The following PM20D2 variants were observed in gnomAD, a reference collection of about 807,000 sequenced individuals.
PM20D2 encodes peptidase M20 domain containing 2.
In PM20D2, 33 loss-of-function variants were observed where a neutral mutation model predicts 42.9. The ratio of observed to expected loss-of-function variants is 0.77; its 90% confidence interval spans 0.58 to 1.03. PM20D2 has a LOEUF of 1.03. PM20D2 is among the 50% of genes least tolerant of loss of function. The probability of loss-of-function intolerance (pLI) is 0.00; values close to 1 mark genes in which losing one functional copy is unlikely to be tolerated. For synonymous variants in PM20D2, 250 were observed against 228.2 expected (o/e 1.10, Z -0.86); for missense variants, 548 against 557.0 (o/e 0.98, Z 0.16).
rs1198398142 is a variant in PM20D2 at position 89,162,173 on chromosome 6, T to A, written c.1221T>A (p.Asp407Glu). The change falls in exon 7 of 7, where the codon GAT (aspartate) becomes GAA (glutamate). Residue 407 changes from aspartate (D) to glutamate (E), a missense_variant. Coordinates refer to ENST00000275072, the MANE Select transcript of PM20D2 (RefSeq NM_001010853.3). ...TAKALAMTALDVIFKPELLEG... is the reference protein window; with the variant it reads ...TAKALAMTALEVIFKPELLEG... ...AAGCTCTGGCAATGACGGCACTGGA[T>A]GTTATTTTTAAACCAGAGTTACTGG... The A allele has an allele frequency of 1.9e-6, 3 of 1,614,120 alleles. No individual in the cohort carries two copies. The highest frequency in any genetic ancestry group is 2.2e-5 in the East Asian group (1 of 44,888).
At chr6:89,096,346 T>C in the PM20D2 span, 1 of 152,218 alleles carries the variant, frequency 6.6e-6, no homozygotes, top group Non-Finnish European at 1.5e-5. Context: ...TCTGTAGTGG[T>C]ACTAGGTTGG....
At chr6:89,097,569 G>T in the PM20D2 span, 1 of 151,844 alleles carries the variant, frequency 6.6e-6, no homozygotes, top group East Asian at 1.9e-4. Flanking sequence ...GCCCAGGCTG[G>T]TCTCAATCTC....
intron 1 of PM20D2, among the ~76,000 whole-genome samples, chr6:89,147,979 C>CTTT (rs397888770): frequency 8.4e-5 from 8 of 95,178 alleles, no homozygotes; most frequent in Non-Finnish European, 1.2e-4. Context: ...AATGTACACT[C>CTTT]TTTTTTTTTT....
chr6:89,138,976 G>A, the PM20D2 span, among the ~76,000 whole-genome samples: 3 of 152,198 alleles, frequency 2.0e-5, no homozygotes, highest in Non-Finnish European at 4.4e-5. Flanking sequence ...GGTAGTTTTA[G>A]TGAAGTCAGG....
At chr6:89,141,827 A>C (rs890145686), upstream of PM20D2, among the ~76,000 whole-genome samples, 1 of 151,806 alleles carries the variant, frequency 6.6e-6, no homozygotes, top group Admixed American at 6.6e-5. Context: ...ACTTTGAGAC[A>C]AAAGTCTCAC....
chr6:89,156,494 C>G (rs967239835), intron 4 of PM20D2, among the ~76,000 whole-genome samples: 1 of 152,158 alleles, frequency 6.6e-6, no homozygotes, highest in African/African-American at 2.4e-5. Context: ...TTTATATTGC[C>G]TTATTTTTTT....
the PM20D2 span, among the ~76,000 whole-genome samples, chr6:89,099,398 C>CCA: frequency 0.041 from 638 of 15,706 alleles, 10 homozygotes; most frequent in African/African-American, 0.091. Context: ...CTCTCTCTCT[C>CCA]TCTCCATATA....
At chr6:89,161,531 A>G (rs1771234535) in intron 5 of PM20D2, among the ~76,000 whole-genome samples, 1 of 152,170 alleles carries the variant, frequency 6.6e-6, no homozygotes, top group African/African-American at 2.4e-5. Flanking sequence ...AGTGCTGGCC[A>G]AGAGGGCCAG....
At chr6:89,134,375 G>C in the PM20D2 span, among the ~76,000 whole-genome samples, 1 of 150,996 alleles carries the variant, frequency 6.6e-6, no homozygotes, top group Non-Finnish European at 1.5e-5. Flanking sequence ...CAAACCCCCA[G>C]GCCTTCCAAG....
chr6:89,161,928 CTCT>C (rs758468814), intron 6 of PM20D2, 38 bp downstream of exon 6: 13 of 1,539,230 alleles, frequency 8.4e-6, no homozygotes, highest in Admixed American at 5.0e-5. Context: ...GGCACACACA[CTCT>C]TCTTCTGGTA....
chr6:89,108,807 TTAATA>T, the PM20D2 span, among the ~76,000 whole-genome samples: 4 of 152,208 alleles, frequency 2.6e-5, no homozygotes, highest in Non-Finnish European at 4.4e-5. Flanking sequence ...TTAGTGTGTA[TTAATA>T]TAATTATTAG....
intron 6 of PM20D2, 88 bp from the exon 7 acceptor site, chr6:89,162,021 A>G: frequency 6.6e-7 from 1 of 1,520,208 alleles, no homozygotes; most frequent in Non-Finnish European, 9.0e-7. Flanking sequence ...GGGCAGTTGG[A>G]GAGCCAGTTG....
At chr6:89,099,123 G>T in the PM20D2 span, among the ~76,000 whole-genome samples, 1 of 151,662 alleles carries the variant, frequency 6.6e-6, no homozygotes, top group Admixed American at 6.6e-5. Context: ...TAACAAGTTT[G>T]TAATATTTGT....
At chr6:89,103,577 C>T in the PM20D2 span, among the ~76,000 whole-genome samples, 5 of 152,302 alleles carry the variant, frequency 3.3e-5, no homozygotes, top group Non-Finnish European at 4.4e-5. Context: ...GATCCGCCCC[C>T]GCCCTGGCCT....
the PM20D2 span, among the ~76,000 whole-genome samples, chr6:89,140,702 T>C: frequency 6.6e-6 from 1 of 152,122 alleles, no homozygotes; most frequent in Non-Finnish European, 1.5e-5. Context: ...GAAAAGCCTA[T>C]CCTCTCAGAA....
rs535979227 is a variant in PM20D2, at chr6:89,151,195, AT to A, written c.614+1791del. The stretch of plus-strand genomic sequence containing the variant: ...AAAAAGAGAACAAGATCAAGAATTC[AT>A]TTTTTTTTAAATTACTAATCCACTT... On this transcript the variant is annotated intron_variant, in intron 2 of 6. Coordinates refer to ENST00000275072, the MANE Select transcript of PM20D2 (RefSeq NM_001010853.3). Among the ~76,000 whole-genome samples, 674 of 146,676 alleles carry A rather than the reference AT, an allele frequency of 4.6e-3. 5 individuals carry two copies. The highest frequency in any genetic ancestry group is 0.015 in the African/African-American group (600 of 39,674).
the PM20D2 span, among the ~76,000 whole-genome samples, chr6:89,124,581 C>G: frequency 6.6e-6 from 1 of 151,532 alleles, no homozygotes; most frequent in Non-Finnish European, 1.5e-5. Context: ...TAAATTCACC[C>G]AGGAATAAAA....
chr6:89,130,819 C>CCT, the PM20D2 span, among the ~76,000 whole-genome samples: 1 of 24,038 alleles, frequency 4.2e-5, no homozygotes, highest in African/African-American at 1.4e-4. Flanking sequence ...GCTTCTTCTT[C>CCT]TTTTTTTTTT....
the PM20D2 span, chr6:89,098,842 A>G: frequency 6.2e-7 from 1 of 1,614,006 alleles, no homozygotes; most frequent in Non-Finnish European, 8.5e-7. Context: ...CTCTAGAGCC[A>G]AAATTCCTTC....
Sources: gnomAD v4.1 joint callset for allele counts (sites outside exome capture counted in the v4.1 genomes callset) on GRCh38, gnomAD v4.1.1 for gene constraint, MANE v1.5 for transcripts, NCBI Gene and HGNC (gene_info 2026-07-23, HGNC 2026-07-21) for gene names.